The following RNGTT variants were observed in gnomAD, a reference collection of about 807,000 sequenced individuals.
The protein encoded by RNGTT is RNA guanylyltransferase and 5'-phosphatase.
RNGTT carries 33 observed loss-of-function variants against 79.3 expected under a neutral mutation model. The observed-to-expected ratio is 0.42, with a 90% CI of 0.32 to 0.56. The LOEUF (loss-of-function observed/expected upper bound fraction) is 0.56. Ranked by LOEUF, RNGTT falls within the 20% of genes least tolerant of loss-of-function variation. RNGTT has a pLI of 0.17. For synonymous variants in RNGTT, 222 were observed against 235.9 expected (o/e 0.94, Z 0.54); for missense variants, 497 against 739.1 (o/e 0.67, Z 3.80).
At chr6:88,935,421 G>A (rs372160164) in intron 2 of RNGTT, among the ~76,000 whole-genome samples, 3 of 152,096 alleles carry the variant, frequency 2.0e-5, no homozygotes, top group Non-Finnish European at 2.9e-5. Context: ...CCATAAAAAT[G>A]TTAGGATTCA....
intron 13 of RNGTT, among the ~76,000 whole-genome samples, chr6:88,715,013 A>G (rs377313614): frequency 1.3e-5 from 2 of 152,182 alleles, no homozygotes; most frequent in Non-Finnish European, 1.5e-5. Flanking sequence ...TAGGAAAAGA[A>G]GAAGTCAAAT....
intron 13 of RNGTT, among the ~76,000 whole-genome samples, chr6:88,688,337 T>C (rs1009542479): frequency 1.3e-5 from 2 of 152,216 alleles, no homozygotes; most frequent in Admixed American, 1.3e-4. Flanking sequence ...CCTTTTAATA[T>C]ACTGACAGAT....
chr6:88,856,622 T>C (rs1781853806), intron 8 of RNGTT, among the ~76,000 whole-genome samples: 1 of 152,228 alleles, frequency 6.6e-6, no homozygotes, highest in East Asian at 1.9e-4. Flanking sequence ...TAGCACTTGG[T>C]ATTTAGGGAT....
chr6:88,662,792 G>A (rs1457919000), intron 14 of RNGTT, among the ~76,000 whole-genome samples: 1 of 152,218 alleles, frequency 6.6e-6, no homozygotes, highest in Non-Finnish European at 1.5e-5. Context: ...GACCCCCGTG[G>A]AGAATTAACA....
intron 2 of RNGTT, among the ~76,000 whole-genome samples, chr6:88,940,181 G>A (rs956514997): frequency 4.0e-5 from 6 of 151,408 alleles, no homozygotes; most frequent in South Asian, 4.2e-4. Context: ...AGGTTCAAGC[G>A]ATTCTTGTGC....
rs936570465 is a variant in RNGTT at position 88,955,883 on chromosome 6, C to T, written c.64+7463G>A. On this transcript the variant is annotated intron_variant, in intron 1 of 15. Transcript: ENST00000369485. Reference sequence around the variant, plus strand: ...TGAAATCCCATCTCTACTAAAAATACAAAAAAATTAGCCGGGTGTGGTGGC... The same window carrying T: ...TGAAATCCCATCTCTACTAAAAATATAAAAAAATTAGCCGGGTGTGGTGGC... Among the ~76,000 whole-genome samples the T allele has an allele frequency of 1.1e-4, 17 of 150,832 alleles. 1 individual carries two copies. The highest frequency in any genetic ancestry group is 3.7e-4 in the African/African-American group (15 of 41,046).
In RNGTT at chr6:88,963,452, C is replaced by T; in HGVS notation, c.-43G>A. Reference sequence around the variant, plus strand: ...AGCTGCCCTCCCTCACCAACGTTCACCGCGCCTTTGGAGCCGCCTCCCCGT... The same window carrying T: ...AGCTGCCCTCCCTCACCAACGTTCATCGCGCCTTTGGAGCCGCCTCCCCGT... On this transcript the variant is annotated 5_prime_UTR_variant, in exon 1 of 16. In the 5' UTR this introduces an upstream ATG that the reference lacks. Transcript: ENST00000369485. 1.3e-6 allele frequency: 2 copies of T among 1,508,186 alleles called. No individual in the cohort carries two copies. Among genetic ancestry groups the T allele is most frequent in the Non-Finnish European group, 1.8e-6 (2 of 1,124,532 alleles). 93.4% of individuals were successfully genotyped at this position (1,508,186 alleles called of 1,614,324 possible).
In RNGTT at chr6:88,833,537, C is replaced by A. The variant is rs576905346; in HGVS notation, c.1269+10820G>T. On this transcript the variant is annotated intron_variant, in intron 11 of 15. Transcript: ENST00000369485. ...GTGTGTAACACATCTATGTAACAAACCTACATGTTCTGCACATGTATCCCA... is the reference window on the plus strand; with the variant it reads ...GTGTGTAACACATCTATGTAACAAAACTACATGTTCTGCACATGTATCCCA... Among the ~76,000 whole-genome samples the A allele has an allele frequency of 3.3e-5, 5 of 152,270 alleles. No homozygotes were observed. In the East Asian group the frequency reaches 7.7e-4, roughly 23 times the overall value.
intron 8 of RNGTT, among the ~76,000 whole-genome samples, chr6:88,878,489 T>G (rs1782590889): frequency 6.6e-6 from 1 of 152,132 alleles, no homozygotes; most frequent in South Asian, 2.1e-4. Flanking sequence ...ATATTTTACT[T>G]TTGTGGAGTC....
At chr6:88,636,758 A>G (rs866966960) in intron 14 of RNGTT, among the ~76,000 whole-genome samples, 17 of 151,820 alleles carry the variant, frequency 1.1e-4, no homozygotes, top group Non-Finnish European at 7.4e-5. Flanking sequence ...CTCACCTCCA[A>G]TCCTGAGTTC....
At chr6:88,862,127 C>G (rs1782031664) in intron 8 of RNGTT, among the ~76,000 whole-genome samples, 1 of 152,102 alleles carries the variant, frequency 6.6e-6, no homozygotes, top group African/African-American at 2.4e-5. Context: ...GCATACAAAT[C>G]CTAAAATCCT....
At chr6:88,932,624 G>A (rs1202251712) in intron 2 of RNGTT, among the ~76,000 whole-genome samples, 2 of 152,000 alleles carry the variant, frequency 1.3e-5, no homozygotes, top group Admixed American at 6.6e-5. Flanking sequence ...CGACATTTAG[G>A]GAAAATAGAA....
intron 12 of RNGTT, among the ~76,000 whole-genome samples, chr6:88,787,726 G>C (rs1475241842): frequency 6.6e-6 from 1 of 152,064 alleles, no homozygotes; most frequent in African/African-American, 2.4e-5. Flanking sequence ...CTGTAAGACT[G>C]GTTAGGATGC....
At chr6:88,847,914 A>C (rs1330440188) in intron 10 of RNGTT, among the ~76,000 whole-genome samples, 2 of 151,970 alleles carry the variant, frequency 1.3e-5, no homozygotes, top group African/African-American at 4.8e-5. Flanking sequence ...ACCAAATAGA[A>C]CAAACTTGCA....
chr6:88,645,585 G>A (rs535959707), intron 14 of RNGTT, among the ~76,000 whole-genome samples: 9 of 152,104 alleles, frequency 5.9e-5, no homozygotes, highest in African/African-American at 9.7e-5. Flanking sequence ...GAGGCATCAC[G>A]CTACCTGACT....
rs377466123 is a variant in RNGTT at position 88,879,022 on chromosome 6, T to C, written c.896+11473A>G. Among the ~76,000 whole-genome samples, 6 of 152,234 alleles carry C rather than the reference T, an allele frequency of 3.9e-5. No homozygotes were observed. In the South Asian group the frequency reaches 1.0e-3, roughly 26 times the overall value. ...TCCAGTCATTAGCATAAACATACACTACAAACATTATTAATGAGATACATA... is the reference window on the plus strand; with the variant it reads ...TCCAGTCATTAGCATAAACATACACCACAAACATTATTAATGAGATACATA... On this transcript the variant is annotated intron_variant, in intron 8 of 15. Coordinates refer to ENST00000369485, the MANE Select transcript of RNGTT (RefSeq NM_003800.5).
At chr6:88,909,719 C>A (rs1783771286) in intron 4 of RNGTT, among the ~76,000 whole-genome samples, 1 of 152,166 alleles carries the variant, frequency 6.6e-6, no homozygotes, top group South Asian at 2.1e-4. Flanking sequence ...CAATGAAATA[C>A]AAAGGGAGCA....
intron 12 of RNGTT, among the ~76,000 whole-genome samples, chr6:88,796,395 C>A (rs569480371): frequency 3.1e-4 from 47 of 152,036 alleles, no homozygotes; most frequent in Non-Finnish European, 6.0e-4. Flanking sequence ...AATACAGATA[C>A]AAAGAGCAGT....
rs778413930 is a variant in RNGTT, at chr6:88,612,770, G to A, written c.1743C>T (p.Asp581=). The A allele has an allele frequency of 6.2e-7, 1 of 1,613,388 alleles. No homozygotes were observed. Among genetic ancestry groups the A allele is most frequent in the Non-Finnish European group, 8.5e-7 (1 of 1,179,948 alleles). The change falls in exon 16 of 16, where the codon GAC becomes GAT. Residue 581 remains aspartate (D), a synonymous_variant. Coordinates refer to ENST00000369485, the MANE Select transcript of RNGTT (RefSeq NM_003800.5). ...GQKRKHHLDP[D]TELMPPPPPK... is the part of the protein sequence containing the mutation. ...GAGGTGGTGGTGGCATGAGCTCCGT[G>A]TCAGGGTCCAGATGATGTTTTCGCT...
Sources: allele counts gnomAD v4.1 joint callset (sites outside exome capture counted in the v4.1 genomes callset), GRCh38; gene constraint gnomAD v4.1.1; transcripts MANE v1.5; gene names NCBI Gene and HGNC (gene_info 2026-07-23, HGNC 2026-07-21).